Variants in TOP6BL observed in about 807,000 individuals in gnomAD.
TOP6BL encodes type 2 DNA topoisomerase 6 subunit B-like.
the TOP6BL span, among the ~76,000 whole-genome samples, chr11:66,793,444 GTTTT>G: frequency 1.2e-4 from 12 of 97,986 alleles, no homozygotes; most frequent in Non-Finnish European, 2.3e-4. Context: ...TTCTTTTTTT[GTTTT>G]TTTTTTTTTT....
chr11:66,762,657 G>T, the TOP6BL span, among the ~76,000 whole-genome samples: 1 of 152,116 alleles, frequency 6.6e-6, no homozygotes, highest in Non-Finnish European at 1.5e-5. Context: ...TTTTAGTAGA[G>T]ACGGGGTTTC....
chr11:66,761,229 G>T, the TOP6BL span, among the ~76,000 whole-genome samples: 1 of 151,988 alleles, frequency 6.6e-6, no homozygotes, highest in African/African-American at 2.4e-5. Context: ...AAATTAGCCG[G>T]GCGTGGTGGC....
At chr11:66,761,561 A>G in the TOP6BL span, 3 of 1,084,100 alleles carry the variant, frequency 2.8e-6, no homozygotes, top group Non-Finnish European at 3.8e-6. Flanking sequence ...TATGGCTTTC[A>G]GTGTCTGTCT....
chr11:66,796,642 G>A, the TOP6BL span, among the ~76,000 whole-genome samples: 1 of 151,930 alleles, frequency 6.6e-6, no homozygotes, highest in South Asian at 2.1e-4. Context: ...AATTAGCCAG[G>A]TGTGGTAGTG....
chr11:66,803,431 A>G, the TOP6BL span, among the ~76,000 whole-genome samples: 3 of 152,104 alleles, frequency 2.0e-5, no homozygotes, highest in African/African-American at 7.2e-5. Flanking sequence ...AAATAAAATA[A>G]TAGTAATTAT....
chr11:66,776,669 A>T, the TOP6BL span, among the ~76,000 whole-genome samples: 1 of 152,136 alleles, frequency 6.6e-6, no homozygotes, highest in African/African-American at 2.4e-5. Flanking sequence ...AATAGTTTTT[A>T]TACCTGCTCC....
the TOP6BL span, among the ~76,000 whole-genome samples, chr11:66,838,137 T>C: frequency 6.6e-6 from 1 of 152,010 alleles, no homozygotes; most frequent in African/African-American, 2.4e-5. Context: ...AGACTGGAGC[T>C]CAGAGAAGAA....
At chr11:66,757,699 G>A in the TOP6BL span, among the ~76,000 whole-genome samples, 1 of 152,182 alleles carries the variant, frequency 6.6e-6, no homozygotes, top group Admixed American at 6.5e-5. Context: ...TGATTCTCCT[G>A]CCTCAGTCTC....
chr11:66,820,848 C>A, the TOP6BL span, among the ~76,000 whole-genome samples: 2 of 152,132 alleles, frequency 1.3e-5, no homozygotes, highest in Non-Finnish European at 2.9e-5. Flanking sequence ...TCATTCTCCA[C>A]CTTAATTTTC....
chr11:66,797,069 G>A, the TOP6BL span, among the ~76,000 whole-genome samples: 1 of 150,520 alleles, frequency 6.6e-6, no homozygotes, highest in East Asian at 2.0e-4. Context: ...GCATGATCTC[G>A]GCTCACTGCA....
chr11:66,803,850 A>G, the TOP6BL span: 10 of 569,262 alleles, frequency 1.8e-5, no homozygotes, highest in South Asian at 2.4e-4. Context: ...TGAGTGAGAC[A>G]TAAGTTATTT....
At chr11:66,767,055 C>T in the TOP6BL span, among the ~76,000 whole-genome samples, 2 of 152,062 alleles carry the variant, frequency 1.3e-5, no homozygotes, top group Non-Finnish European at 1.5e-5. Context: ...TTAATTTAAA[C>T]ATAGCTTACA....
chr11:66,794,961 C>T, the TOP6BL span, among the ~76,000 whole-genome samples: 2 of 151,948 alleles, frequency 1.3e-5, no homozygotes, highest in Admixed American at 6.6e-5. Flanking sequence ...GGCGAAACCC[C>T]GTCTCTACAG....
the TOP6BL span, among the ~76,000 whole-genome samples, chr11:66,792,460 C>T: frequency 6.6e-6 from 1 of 152,082 alleles, no homozygotes; most frequent in Non-Finnish European, 1.5e-5. Context: ...TGTCAGGCTC[C>T]ATAAAAAATA....
At chr11:66,750,727 TCTCA>T in the TOP6BL span, among the ~76,000 whole-genome samples, 1 of 151,166 alleles carries the variant, frequency 6.6e-6, no homozygotes, top group Admixed American at 6.6e-5. Context: ...CCAAATATGG[TCTCA>T]CTCTGTCACC....
the TOP6BL span, chr11:66,744,828 C>T: frequency 1.5e-6 from 2 of 1,313,720 alleles, no homozygotes; most frequent in African/African-American, 1.5e-5. Context: ...GGGGCGGCGG[C>T]GGCGGCGGCG....
At chr11:66,804,367 G>A in the TOP6BL span, among the ~76,000 whole-genome samples, 1 of 152,198 alleles carries the variant, frequency 6.6e-6, no homozygotes, top group Non-Finnish European at 1.5e-5. Context: ...ACTGAAAACT[G>A]TAAAATGTGA....
At chr11:66,822,721 T>C in the TOP6BL span, 5 of 1,369,620 alleles carry the variant, frequency 3.7e-6, no homozygotes, top group South Asian at 6.2e-5. Flanking sequence ...GCCAGGGTTT[T>C]GGCTGGGTAC....
chr11:66,780,860 G>T, the TOP6BL span, among the ~76,000 whole-genome samples: 1 of 152,158 alleles, frequency 6.6e-6, no homozygotes, highest in African/African-American at 2.4e-5. Context: ...GGGATTATAG[G>T]CATGAGCCAC....
Sources: allele counts gnomAD v4.1 joint callset (sites outside exome capture counted in the v4.1 genomes callset), GRCh38; gene constraint gnomAD v4.1.1; transcripts MANE v1.5; gene names NCBI Gene and HGNC (gene_info 2026-07-23, HGNC 2026-07-21).